NDUFV2: variants seen among roughly 807,000 people sequenced by gnomAD.
NDUFV2 encodes the protein NADH:ubiquinone oxidoreductase core subunit V2, also known as NADH dehydrogenase [ubiquinone] flavoprotein 2, mitochondrial.
A neutral mutation model predicts 31.6 loss-of-function variants in NDUFV2; 18 were observed. The ratio of observed to expected loss-of-function variants is 0.57; its 90% CI spans 0.39 to 0.84. The LOEUF is 0.84. NDUFV2 is among the 40% of genes least tolerant of loss of function. The pLI is 0.00. For synonymous variants in NDUFV2, 83 were observed against 99.8 expected (o/e 0.83, Z 1.01); for missense variants, 314 against 303.6 (o/e 1.03, Z -0.26).
intron 4 of NDUFV2, among the ~76,000 whole-genome samples, chr18:9,120,467 T>C (rs1044542492): frequency 3.3e-5 from 5 of 152,214 alleles, no homozygotes; most frequent in Non-Finnish European, 7.4e-5. Context: ...GTGCATTTTC[T>C]ACTTGACTGA....
At chr18:9,107,269 T>C (rs73388192) in intron 1 of NDUFV2, among the ~76,000 whole-genome samples, 3,303 of 152,310 alleles carry the variant, frequency 0.022, 121 homozygotes, top group African/African-American at 0.075. Context: ...TAATAAAAAG[T>C]TGACTTTCCT....
At chr18:9,126,636 C>T (rs370788262) in intron 6 of NDUFV2, 195 bp from the exon 7 acceptor site, 19 of 543,112 alleles carry the variant, frequency 3.5e-5, no homozygotes, top group East Asian at 2.4e-4. Flanking sequence ...AGATTTCAGC[C>T]GTAGAAAGTA....
At chr18:9,128,910 A>G (rs902005972) in intron 7 of NDUFV2, among the ~76,000 whole-genome samples, 5 of 152,052 alleles carry the variant, frequency 3.3e-5, no homozygotes, top group African/African-American at 1.2e-4. Flanking sequence ...TTCTATAGTC[A>G]TAACTTTGGT....
At chr18:9,115,123 A>AT (rs1159528755) in intron 1 of NDUFV2, among the ~76,000 whole-genome samples, 5 of 152,136 alleles carry the variant, frequency 3.3e-5, no homozygotes, top group African/African-American at 9.6e-5. Context: ...TTTAAGTAGG[A>AT]TTTTTTTGGC....
chr18:9,102,790 C>G lies in NDUFV2; in HGVS notation c.47C>G (p.Ala16Gly), dbSNP rs752917508. The change falls in exon 1 of 8, where the codon GCC becomes GGC. Residue 16 changes from alanine to glycine, a missense_variant. By Grantham distance (60) the Ala-to-Gly change is moderately conservative. Transcript: ENST00000318388. ...ALRARAAGLT[A>G]HWGRHVRNLH... ...CGGGCCCGGGCGGCTGGCCTCACCG[C>G]CCACTGGGTAAGGAGGCTCAAGCTG... 1.9e-6 allele frequency: 3 copies of G among 1,573,240 alleles called. No homozygotes were observed. In the South Asian group the frequency reaches 3.5e-5, roughly 18 times the overall value.
chr18:9,133,660 A>G, intron 7 of NDUFV2: 1 of 154,576 alleles, frequency 6.5e-6, no homozygotes, highest in South Asian at 2.0e-4. Context: ...TCCAAATACA[A>G]TGTATAAGTG....
intron 5 of NDUFV2, among the ~76,000 whole-genome samples, chr18:9,123,052 A>G (rs1598348333): frequency 6.6e-6 from 1 of 152,366 alleles, no homozygotes; most frequent in East Asian, 1.9e-4. Flanking sequence ...CTTCTAAAGA[A>G]GTCATGGAAC....
intron 1 of NDUFV2, chr18:9,105,006 C>A: frequency 6.6e-7 from 1 of 1,517,370 alleles, no homozygotes; most frequent in South Asian, 1.3e-5. Context: ...GTAGCCTGCT[C>A]TTTTGTAATG....
Position 9,125,059 on chromosome 18 carries a change from C to T in NDUFV2, c.579+76C>T. The T allele has an allele frequency of 2.1e-6, 3 of 1,454,692 alleles. No individual in the cohort carries two copies. The South Asian group carries it at 3.7e-5, about 18-fold the overall frequency. 90.1% of individuals were successfully genotyped at this position (1,454,692 alleles called of 1,614,324 possible). Reference sequence around the variant, plus strand: ...ACATTTTAAATATTTGATTTTGTGTCCTTAGATGTTGGTTTCTGAATTACT... The same window carrying T: ...ACATTTTAAATATTTGATTTTGTGTTCTTAGATGTTGGTTTCTGAATTACT... On this transcript the variant is annotated intron_variant, in intron 6 of 7. Coordinates refer to ENST00000318388, the MANE Select transcript of NDUFV2 (RefSeq NM_021074.5).
intron 6 of NDUFV2, 24 bp from the exon 7 acceptor site, chr18:9,126,807 G>T: frequency 6.4e-7 from 1 of 1,556,382 alleles, no homozygotes; most frequent in South Asian, 1.1e-5. Flanking sequence ...ATTTAAATAT[G>T]ACTATTGTTA....
At chr18:9,116,493 G>A (rs955907345) in intron 1 of NDUFV2, among the ~76,000 whole-genome samples, 2 of 152,136 alleles carry the variant, frequency 1.3e-5, no homozygotes, top group African/African-American at 4.8e-5. Flanking sequence ...TTTAGTTTCA[G>A]TTAATTTTTC....
At chr18:9,118,227 T>C (rs1255374423) in intron 2 of NDUFV2, among the ~76,000 whole-genome samples, 1 of 152,206 alleles carries the variant, frequency 6.6e-6, no homozygotes, top group Non-Finnish European at 1.5e-5. Context: ...TTGTAACTTG[T>C]TGAATCCCAA....
intron 5 of NDUFV2, among the ~76,000 whole-genome samples, chr18:9,124,562 C>T (rs190824015): frequency 6.6e-6 from 1 of 151,378 alleles, no homozygotes; most frequent in African/African-American, 2.4e-5. Context: ...CACTCTCCTG[C>T]CTCAGCCTCC....
intron 7 of NDUFV2, chr18:9,132,173 T>G (rs2143111579): frequency 6.6e-6 from 1 of 152,320 alleles, no homozygotes; most frequent in Non-Finnish European, 1.5e-5. Flanking sequence ...TTAAAATTAC[T>G]TCCATATATA....
chr18:9,120,838 T>G (rs1009345433), intron 4 of NDUFV2, among the ~76,000 whole-genome samples: 7 of 152,204 alleles, frequency 4.6e-5, no homozygotes, highest in Admixed American at 6.5e-5. Flanking sequence ...ATGTTTCTAA[T>G]TATAATGTTA....
chr18:9,111,182 G>T (rs138101649), intron 1 of NDUFV2, among the ~76,000 whole-genome samples: 91 of 152,108 alleles, frequency 6.0e-4, no homozygotes, highest in African/African-American at 1.7e-3. Context: ...TAATCATCTG[G>T]CCCTAGGATC....
chr18:9,108,457 C>T (rs2077852603), intron 1 of NDUFV2, among the ~76,000 whole-genome samples: 1 of 152,242 alleles, frequency 6.6e-6, no homozygotes, highest in East Asian at 1.9e-4. Context: ...GTTTTTCCCC[C>T]TTCTTTGAGC....
chr18:9,122,810 T>A, intron 5 of NDUFV2, 129 bp downstream of exon 5: 1 of 870,898 alleles, frequency 1.1e-6, no homozygotes, highest in Non-Finnish European at 1.8e-6. Context: ...TAATATTTTG[T>A]GTTACTGTGT....
intron 7 of NDUFV2, among the ~76,000 whole-genome samples, chr18:9,130,178 T>A (rs1185129390): frequency 6.6e-6 from 1 of 152,230 alleles, no homozygotes; most frequent in Non-Finnish European, 1.5e-5. Flanking sequence ...CTAAGGGTAG[T>A]ATTTAAAGTT....
Sources: gnomAD v4.1 joint callset for allele counts (sites outside exome capture counted in the v4.1 genomes callset) on GRCh38, gnomAD v4.1.1 for gene constraint, MANE v1.5 for transcripts, NCBI Gene and HGNC (gene_info 2026-07-23, HGNC 2026-07-21) for gene names.